ABLIM1: variants seen among roughly 807,000 people sequenced by gnomAD.
ABLIM1 encodes the protein actin binding LIM protein 1.
A neutral mutation model predicts 107.0 loss-of-function variants in ABLIM1; 40 were observed. The ratio of observed to expected loss-of-function variants is 0.37; its 90% confidence interval spans 0.29 to 0.49. The LOEUF (loss-of-function observed/expected upper bound fraction) is 0.49. Among genes scored for constraint, ABLIM1 ranks in the 20% least tolerant of loss-of-function variants. The pLI, the probability that ABLIM1 is intolerant of heterozygous loss-of-function variation, is 0.97. For synonymous variants in ABLIM1, 357 were observed against 357.3 expected, an observed-to-expected ratio of 1.00 and a Z score of 0.01; for missense variants, 857 against 1,008.5, an observed-to-expected ratio of 0.85 and a Z score of 2.04.
chr10:114,472,843 G>T, intron 10 of ABLIM1, 134 bp downstream of exon 10: 2 of 847,046 alleles, frequency 2.4e-6, no homozygotes, highest in Non-Finnish European at 3.4e-6. Context: ...CAAAGCACCT[G>T]GTCTAGAAAT....
intron 2 of ABLIM1, among the ~76,000 whole-genome samples, chr10:114,584,903 A>T (rs1007365354): frequency 1.9e-4 from 29 of 152,200 alleles, no homozygotes; most frequent in African/African-American, 7.0e-4. Context: ...CTGCACAGTA[A>T]ACTTGTTGTT....
At chr10:114,611,034 T>C (rs146782750) in intron 1 of ABLIM1, among the ~76,000 whole-genome samples, 1,796 of 151,952 alleles carry the variant, frequency 0.012, 33 homozygotes, top group African/African-American at 0.04. Context: ...ACACCTGTTA[T>C]TCCAGCTACT....
chr10:114,692,718 C>T (rs1288936775), intron 1 of ABLIM1, among the ~76,000 whole-genome samples: 5 of 152,074 alleles, frequency 3.3e-5, no homozygotes, highest in Admixed American at 2.6e-4. Context: ...GGTGAAACCT[C>T]GTCTCTACTA....
chr10:114,538,236 C>T (rs1488662221), intron 6 of ABLIM1, among the ~76,000 whole-genome samples: 1 of 152,154 alleles, frequency 6.6e-6, no homozygotes, highest in Non-Finnish European at 1.5e-5. Context: ...AAAACAGAGC[C>T]ACCAGTTTTT....
chr10:114,657,770 G>A (rs1460719249), intron 1 of ABLIM1, among the ~76,000 whole-genome samples, 187 bp downstream of exon 1: 2 of 152,108 alleles, frequency 1.3e-5, no homozygotes, highest in Non-Finnish European at 2.9e-5. Context: ...ATATCCTTGG[G>A]ATTTAGCTCC....
At chr10:114,589,542 G>C (rs1591437253) in intron 2 of ABLIM1, among the ~76,000 whole-genome samples, 1 of 143,006 alleles carries the variant, frequency 7.0e-6, no homozygotes. Context: ...AAAAAAAAAA[G>C]AGAGAGAGAG....
At chr10:114,547,959 C>G (rs2067570741) in intron 4 of ABLIM1, among the ~76,000 whole-genome samples, 183 bp from the exon 5 acceptor site, 1 of 152,224 alleles carries the variant, frequency 6.6e-6, no homozygotes, top group Middle Eastern at 3.2e-3. Context: ...AGGCTGCGTC[C>G]TCGGAAGGAC....
At chr10:114,463,315 T>C (rs1376251372) in intron 12 of ABLIM1, among the ~76,000 whole-genome samples, 1 of 151,962 alleles carries the variant, frequency 6.6e-6, no homozygotes, top group African/African-American at 2.4e-5. Context: ...GGAGAAAGGG[T>C]TAAGAGTGCA....
intron 1 of ABLIM1, among the ~76,000 whole-genome samples, chr10:114,702,726 C>T (rs983220200): frequency 1.3e-5 from 2 of 151,830 alleles, no homozygotes; most frequent in African/African-American, 4.8e-5. Flanking sequence ...GGGGTTTCAC[C>T]GTAGTCTCGA....
At chr10:114,607,696 C>T (rs1163379906) in intron 1 of ABLIM1, among the ~76,000 whole-genome samples, 1 of 152,064 alleles carries the variant, frequency 6.6e-6, no homozygotes, top group Non-Finnish European at 1.5e-5. Flanking sequence ...TGAGAAAAAT[C>T]CCAAATGGAG....
In ABLIM1 at chr10:114,601,924, C is replaced by T. The variant is rs2076041127; in HGVS notation, c.282G>A (p.Lys94=). The T allele has an allele frequency of 6.2e-7, 1 of 1,614,052 alleles. No individual in the cohort carries two copies. The highest frequency in any genetic ancestry group is 1.3e-5 in the African/African-American group (1 of 74,918). The change falls in exon 2 of 23, where the codon AAG becomes AAA. Residue 94 remains lysine (K), a synonymous_variant. Transcript: ENST00000533213. ...HPQDPHHPSE[K]PVIHCHKCGE... ...CACATTTATGGCAGTGAATGACAGG[C>T]TTCTCTGATGGGTGGTGAGGGTCCT... is the stretch of plus-strand genomic sequence containing the variant.
exon 1 of ABLIM1, chr10:114,684,500 C>T (rs1258087641): frequency 1.8e-5 from 26 of 1,426,590 alleles, no homozygotes; most frequent in African/African-American, 4.3e-5. Flanking sequence ...GGTGTGCCAC[C>T]GGTGGGTGTG....
In ABLIM1 at chr10:114,665,220, A is replaced by G. The variant is rs571523681; in HGVS notation, c.64+19070T>C. On this transcript the variant is annotated intron_variant, in intron 1 of 23. Coordinates refer to the ABLIM1 transcript ENST00000369256. ...GCATTCCCAATGATGACATGCACAC[A>G]CACAAGGCTTTCAGTCCACAAGGGG... is the stretch of plus-strand genomic sequence containing the variant. Among the ~76,000 whole-genome samples, 34 of 152,314 alleles carry G rather than the reference A, an allele frequency of 2.2e-4. No homozygotes were observed. In the South Asian group the frequency reaches 6.0e-3, roughly 27 times the overall value.
At chr10:114,439,384 T>C (rs761378348) in intron 20 of ABLIM1, 134 bp from the exon 21 acceptor site, 238 of 894,664 alleles carry the variant, frequency 2.7e-4, no homozygotes, top group Non-Finnish European at 3.8e-4. Flanking sequence ...TAAATGACCA[T>C]GTATTTTTCA....
At chr10:114,447,073 T>C (rs2061121605) in intron 15 of ABLIM1, among the ~76,000 whole-genome samples, 1 of 152,140 alleles carries the variant, frequency 6.6e-6, no homozygotes, top group Admixed American at 6.6e-5. Context: ...TTTTGGAAAA[T>C]TGAAGGCCTT....
At chr10:114,620,915 G>T (rs1727129166) in intron 1 of ABLIM1, among the ~76,000 whole-genome samples, 1 of 151,952 alleles carries the variant, frequency 6.6e-6, no homozygotes, top group African/African-American at 2.4e-5. Flanking sequence ...TTTGCCCCAG[G>T]CTCCACTCAG....
chr10:114,479,407 G>A lies in ABLIM1; in HGVS notation c.1042-5451C>T, dbSNP rs115306190. The stretch of plus-strand genomic sequence containing the variant: ...CTCCTTCCCATCAGAACTCAGATAT[G>A]TGAAGCAATTCATCACAGTATATGG... On this transcript the variant is annotated intron_variant, in intron 8 of 22. Coordinates refer to ENST00000533213, the MANE Select transcript of ABLIM1 (RefSeq NM_002313.7). Among the ~76,000 whole-genome samples, 1,486 of 152,294 alleles carry A rather than the reference G, an allele frequency of 9.8e-3. 23 individuals carry two copies. Among genetic ancestry groups the A allele is most frequent in the African/African-American group, 0.033 (1,391 of 41,550 alleles).
chr10:114,546,005 A>G (rs2067292277), intron 5 of ABLIM1, among the ~76,000 whole-genome samples: 1 of 151,088 alleles, frequency 6.6e-6, no homozygotes, highest in African/African-American at 2.4e-5. Context: ...TTCCCCTACA[A>G]GGGGCCCACA....
intron 1 of ABLIM1, among the ~76,000 whole-genome samples, chr10:114,740,909 T>C (rs1566292377): frequency 1.3e-5 from 2 of 151,428 alleles, no homozygotes; most frequent in South Asian, 4.2e-4. Context: ...CTGGGTATAG[T>C]GGTGTGCACC....
Sources: gnomAD v4.1 joint callset for allele counts (sites outside exome capture counted in the v4.1 genomes callset) on GRCh38, gnomAD v4.1.1 for gene constraint, MANE v1.5 for transcripts, NCBI Gene and HGNC (gene_info 2026-07-23, HGNC 2026-07-21) for gene names.